The following ATP2B2 variants were observed in gnomAD, a reference collection of about 807,000 sequenced individuals.
The protein encoded by ATP2B2 is plasma membrane calcium-transporting ATPase 2.
Under a neutral mutation model 120.0 loss-of-function variants are expected in ATP2B2, and 15 were observed. The ratio of observed to expected loss-of-function variants is 0.12; its 90% confidence interval spans 0.08 to 0.19. ATP2B2 has a LOEUF of 0.19. Among genes scored for constraint, ATP2B2 ranks in the 10% least tolerant of loss-of-function variants. The pLI is 1.00. For synonymous variants in ATP2B2, 694 were observed against 700.3 expected (o/e 0.99, Z 0.14); for missense variants, 1,045 against 1,719.8 (o/e 0.61, Z 6.94).
At chr3:10,444,135 C>A (rs1056657314) in intron 2 of ATP2B2, among the ~76,000 whole-genome samples, 1 of 152,212 alleles carries the variant, frequency 6.6e-6, no homozygotes, top group Non-Finnish European at 1.5e-5. Flanking sequence ...CACATGAAGG[C>A]GCTGGAGTGG....
At chr3:10,696,923 T>C (rs780868872) in intron 1 of ATP2B2, among the ~76,000 whole-genome samples, 1 of 152,160 alleles carries the variant, frequency 6.6e-6, no homozygotes, top group Non-Finnish European at 1.5e-5. Context: ...AACAACACTA[T>C]TGATAGTAAG....
chr3:10,600,730 G>T (rs902429061), intron 2 of ATP2B2, among the ~76,000 whole-genome samples: 1 of 152,182 alleles, frequency 6.6e-6, no homozygotes, highest in Non-Finnish European at 1.5e-5. Flanking sequence ...GCCCAGTTGA[G>T]AGCCTGCCTG....
At chr3:10,398,844 C>T (rs191068076) in intron 5 of ATP2B2, among the ~76,000 whole-genome samples, 1 of 152,340 alleles carries the variant, frequency 6.6e-6, no homozygotes, top group Non-Finnish European at 1.5e-5. Context: ...CATCCTCTGC[C>T]TTCAGCATCG....
At chr3:10,502,699 C>T (rs1170425603) in intron 1 of ATP2B2, among the ~76,000 whole-genome samples, 1 of 152,248 alleles carries the variant, frequency 6.6e-6, no homozygotes, top group Non-Finnish European at 1.5e-5. Context: ...CTGCCTAGGT[C>T]AGGGCCACGC....
chr3:10,597,030 C>T (rs2068782913), intron 2 of ATP2B2, among the ~76,000 whole-genome samples: 1 of 150,142 alleles, frequency 6.7e-6, no homozygotes, highest in Non-Finnish European at 1.5e-5. Context: ...CAGGCACACA[C>T]CCAGACACAC....
chr3:10,703,508 T>C (rs1314191087), intron 1 of ATP2B2, among the ~76,000 whole-genome samples: 2 of 152,048 alleles, frequency 1.3e-5, no homozygotes, highest in African/African-American at 2.4e-5. Context: ...GTTGGAGGAG[T>C]GTGGAAGAGA....
At chr3:10,599,404 G>T (rs2125589565) in intron 2 of ATP2B2, among the ~76,000 whole-genome samples, 1 of 152,232 alleles carries the variant, frequency 6.6e-6, no homozygotes, top group Middle Eastern at 3.4e-3. Flanking sequence ...CTCTTCACTA[G>T]GAAGCTTTCC....
intron 2 of ATP2B2, among the ~76,000 whole-genome samples, chr3:10,610,494 A>T (rs755546227): frequency 1.3e-5 from 2 of 152,028 alleles, no homozygotes; most frequent in Non-Finnish European, 2.9e-5. Flanking sequence ...CACTCACCCC[A>T]AGAATCTGCA....
At chr3:10,662,796 T>G (rs1027456633) in intron 1 of ATP2B2, among the ~76,000 whole-genome samples, 1 of 152,062 alleles carries the variant, frequency 6.6e-6, no homozygotes, top group Non-Finnish European at 1.5e-5. Flanking sequence ...TGCACACGTA[T>G]GTTTATTGCG....
rs190404932 is a variant in ATP2B2, at chr3:10,686,568, G to C, written c.-460+21347C>G. Among the ~76,000 whole-genome samples the C allele has an allele frequency of 6.2e-4, 95 of 152,006 alleles. 2 individuals are homozygous for C. In the East Asian group the frequency reaches 0.017, roughly 28 times the overall value. ...ACTCGGGAGGCTGAGGCAGGAGAATGGCACGAACCCAGGAGGCAGAGCTTG... is the reference window on the plus strand; with the variant it reads ...ACTCGGGAGGCTGAGGCAGGAGAATCGCACGAACCCAGGAGGCAGAGCTTG... On this transcript the variant is annotated intron_variant, in intron 1 of 21. Transcript: ENST00000646379.
chr3:10,421,633 G>A (rs529657550), intron 2 of ATP2B2, among the ~76,000 whole-genome samples: 4 of 152,270 alleles, frequency 2.6e-5, no homozygotes, highest in Admixed American at 6.5e-5. Flanking sequence ...GCCCTGATCC[G>A]CAACCTTCCA....
intron 3 of ATP2B2, among the ~76,000 whole-genome samples, chr3:10,515,310 T>C (rs1322617090): frequency 2.6e-5 from 4 of 152,222 alleles, no homozygotes; most frequent in Non-Finnish European, 5.9e-5. Flanking sequence ...TTCAGGGATG[T>C]CTAGCTTGCT....
At chr3:10,389,647 G>C (rs542301391) in intron 5 of ATP2B2, among the ~76,000 whole-genome samples, 1 of 152,178 alleles carries the variant, frequency 6.6e-6, no homozygotes, top group African/African-American at 2.4e-5. Context: ...GCTTCAGTTT[G>C]GGAATATGAA....
intron 3 of ATP2B2, among the ~76,000 whole-genome samples, chr3:10,524,147 ACTT>A (rs1263185348): frequency 1.3e-5 from 2 of 152,076 alleles, no homozygotes; most frequent in African/African-American, 4.8e-5. Context: ...CATTAAGGGC[ACTT>A]TCTGCCCTGG....
At chr3:10,644,369 A>G (rs987319251) in intron 1 of ATP2B2, among the ~76,000 whole-genome samples, 1 of 152,248 alleles carries the variant, frequency 6.6e-6, no homozygotes, top group Non-Finnish European at 1.5e-5. Context: ...TAAAAAGTTA[A>G]ACATGGAATC....
intron 1 of ATP2B2, among the ~76,000 whole-genome samples, chr3:10,679,738 A>G (rs749525716): frequency 1.4e-4 from 21 of 152,362 alleles, no homozygotes; most frequent in Middle Eastern, 6.8e-3. Flanking sequence ...TCATGTGAAT[A>G]TGCACTCAAA....
intron 14 of ATP2B2, among the ~76,000 whole-genome samples, chr3:10,355,082 A>G (rs910227223): frequency 1.1e-4 from 16 of 151,324 alleles, no homozygotes; most frequent in Non-Finnish European, 5.9e-5. Flanking sequence ...CTACCTAAAA[A>G]ACAAACAAAT....
At chr3:10,490,325 T>C (rs1259514988) in intron 1 of ATP2B2, among the ~76,000 whole-genome samples, 1 of 151,840 alleles carries the variant, frequency 6.6e-6, no homozygotes, top group East Asian at 1.9e-4. Context: ...ATGGGAATAA[T>C]AACTGCTAGA....
intron 5 of ATP2B2, among the ~76,000 whole-genome samples, chr3:10,393,198 G>A (rs990455789): frequency 6.6e-6 from 1 of 152,226 alleles, no homozygotes; most frequent in African/African-American, 2.4e-5. Flanking sequence ...ATGGCGGGCC[G>A]GAAGGGACAC....
Sources: gnomAD v4.1 joint callset for allele counts (sites outside exome capture counted in the v4.1 genomes callset) on GRCh38, gnomAD v4.1.1 for gene constraint, MANE v1.5 for transcripts, NCBI Gene and HGNC (gene_info 2026-07-23, HGNC 2026-07-21) for gene names.